Variants in ZNF143 observed in about 807,000 individuals in gnomAD.
The protein encoded by ZNF143 is zinc finger protein 143, also known as SPH-binding factor.
A neutral mutation model predicts 74.1 loss-of-function variants in ZNF143; 49 were observed. The observed-to-expected ratio is 0.66, with a 90% CI of 0.53 to 0.84. The LOEUF is 0.84. Among genes scored for constraint, ZNF143 ranks in the 40% least tolerant of loss-of-function variants. ZNF143 has a pLI of 0.00. For synonymous variants in ZNF143, 304 were observed against 282.8 expected, an observed-to-expected ratio of 1.07 and a Z score of -0.75; for missense variants, 637 against 793.4, an observed-to-expected ratio of 0.80 and a Z score of 2.37.
Position 9,494,686 on chromosome 11 carries a change from C to T in ZNF143, c.686C>T (p.Ser229Phe), listed in dbSNP as rs758963335. 1 of 1,613,706 alleles carries T rather than the reference C, an allele frequency of 6.2e-7. No individual in the cohort carries two copies. The highest frequency in any genetic ancestry group is 2.2e-5 in the East Asian group (1 of 44,876). ...QGHATRVTAK[S>F]QQSGEKAFRC... Reference sequence around the variant, plus strand: ...CATGCTACAAGAGTAACTGCTAAATCTCAACAGAGTGGAGAGAAGGCATTT... The same window carrying T: ...CATGCTACAAGAGTAACTGCTAAATTTCAACAGAGTGGAGAGAAGGCATTT... The change falls in exon 8 of 16, where the codon TCT (serine) becomes TTT (phenylalanine). Residue 229 changes from serine to phenylalanine, a missense_variant. Physicochemically the swap from Ser to Phe is radical, Grantham distance 155. Around this residue, in one of 2 missense-constraint regions of ZNF143, gnomAD observed 293 missense variants for 307.8 expected, o/e 0.95. Transcript: ENST00000396602.
chr11:9,476,270 A>G (rs899402335), intron 5 of ZNF143, among the ~76,000 whole-genome samples: 2 of 152,138 alleles, frequency 1.3e-5, no homozygotes, highest in African/African-American at 4.8e-5. Context: ...GTGAGGACAG[A>G]ATGCACAAAC....
intron 7 of ZNF143, among the ~76,000 whole-genome samples, chr11:9,486,357 T>TATATTATACATATA (rs1847481117): frequency 1.9e-5 from 1 of 52,064 alleles, no homozygotes; most frequent in African/African-American, 7.8e-5. Flanking sequence ...ATATATTATA[T>TATATTATACATATA]ATATATTATA....
rs1340966931 is a variant in ZNF143 at position 9,484,127 on chromosome 11, A to G, written c.645+4581A>G. Among the ~76,000 whole-genome samples, 3 of 151,546 alleles carry G rather than the reference A, an allele frequency of 2.0e-5. 1 individual carries two copies. Among genetic ancestry groups the G allele is most frequent in the African/African-American group, 7.3e-5 (3 of 40,870 alleles). ...TTCATTAGTGCTGGATCAGAAGTTC[A>G]TGACTTCACCATTCTCTAAAATGAT... is the stretch of plus-strand genomic sequence containing the variant. On this transcript the variant is annotated intron_variant, in intron 7 of 15. Transcript: ENST00000396602.
At chr11:9,525,426 CTGCTCAT>C in intron 15 of ZNF143, 40 bp downstream of exon 15, 1 of 1,612,694 alleles carries the variant, frequency 6.2e-7, no homozygotes, top group Non-Finnish European at 8.5e-7. Flanking sequence ...GACAGCAGTG[CTGCTCAT>C]AGCTTTCAAC....
chr11:9,508,567 G>T, intron 11 of ZNF143, 52 bp from the exon 12 acceptor site: 1 of 1,555,958 alleles, frequency 6.4e-7, no homozygotes, highest in Non-Finnish European at 8.7e-7. Context: ...AGTATGGAAT[G>T]ATTTTGCCTA....
In ZNF143 at chr11:9,472,724, A is replaced by G. The variant is rs1210877816; in HGVS notation, c.160A>G (p.Thr54Ala). 1.2e-6 allele frequency: 2 copies of G among 1,603,444 alleles called. No homozygotes were observed. Among genetic ancestry groups the G allele is most frequent in the South Asian group, 2.2e-5 (2 of 89,086 alleles). The part of the protein sequence containing the change: ...NMEGVSLQAV[T>A]LADGSTAYIQ... ...GGAAGGCGTAAGCTTGCAAGCAGTA[A>G]CACTTGCAGATGGTTCTACTGCTTA... Residue 54 changes from threonine (T) to alanine (A), a missense_variant, in exon 3 of 16, where the codon ACA becomes GCA. Thr to Ala is a moderately conservative substitution (Grantham distance 58). Coordinates refer to ENST00000396602, the MANE Select transcript of ZNF143 (RefSeq NM_003442.6).
At position 9,478,483 on chromosome 11, in the gene ZNF143, C is replaced by G; in HGVS notation, c.467C>G (p.Thr156Ser). 1.9e-6 allele frequency: 3 copies of G among 1,614,188 alleles called. No individual in the cohort carries two copies. The highest frequency in any genetic ancestry group is 2.5e-6 in the Non-Finnish European group (3 of 1,180,042). Reference protein sequence around the residue: ...HHAVQVPQSDTILAIQADGTV... With the variant: ...HHAVQVPQSDSILAIQADGTV... The stretch of plus-strand genomic sequence containing the variant: ...GCAGTGCAAGTCCCGCAGTCTGACA[C>G]CATCTTGGCAATTCAGGCTGATGGG... The change falls in exon 6 of 16, where the codon ACC becomes AGC. Residue 156 changes from threonine (T) to serine (S), a missense_variant. Physicochemically the swap from Thr to Ser is moderately conservative, Grantham distance 58 (BLOSUM62 1). Around this residue, in one of 2 missense-constraint regions of ZNF143, gnomAD observed 293 missense variants for 307.8 expected, o/e 0.95. Coordinates refer to ENST00000396602, the MANE Select transcript of ZNF143 (RefSeq NM_003442.6).
chr11:9,475,908 ATATGTGTGTGTGTGTGTG>A (rs1399952644), intron 5 of ZNF143, among the ~76,000 whole-genome samples: 2 of 117,632 alleles, frequency 1.7e-5, no homozygotes, highest in Non-Finnish European at 3.5e-5. Flanking sequence ...AAAAAAATAT[ATATGTGTGTGTGTGTGTG>A]TGTGTGTGTG....
chr11:9,475,938 G>A (rs1348656036), intron 5 of ZNF143, among the ~76,000 whole-genome samples: 4 of 151,482 alleles, frequency 2.6e-5, no homozygotes, highest in South Asian at 4.2e-4. Context: ...GTGTGTGTGT[G>A]TGTGTGTGTG....
chr11:9,479,425 C>T (rs1386733952), intron 6 of ZNF143, 47 bp from the exon 7 acceptor site: 12 of 1,525,764 alleles, frequency 7.9e-6, no homozygotes, highest in African/African-American at 1.4e-5. Context: ...CAGCCTAAAC[C>T]ATTATCAAAA....
At chr11:9,463,152 A>T (rs1855975234) in intron 1 of ZNF143, among the ~76,000 whole-genome samples, 2 of 152,244 alleles carry the variant, frequency 1.3e-5, no homozygotes. Flanking sequence ...CATTGTATGA[A>T]CATAGTACAT....
intron 3 of ZNF143, among the ~76,000 whole-genome samples, chr11:9,473,112 C>T (rs1856681649): frequency 6.6e-6 from 1 of 151,754 alleles, no homozygotes; most frequent in African/African-American, 2.4e-5. Flanking sequence ...CATTTGGGGC[C>T]GGGCATGGTG....
intron 1 of ZNF143, among the ~76,000 whole-genome samples, chr11:9,463,544 T>C (rs1237141021): frequency 1.3e-5 from 2 of 152,228 alleles, no homozygotes; most frequent in Non-Finnish European, 2.9e-5. Context: ...TGTTGAGCAT[T>C]TTTTCTGTGC....
chr11:9,484,562 G>A (rs7952556), intron 7 of ZNF143, among the ~76,000 whole-genome samples: 5,128 of 146,972 alleles, frequency 0.035, 437 homozygotes, highest in African/African-American at 0.12. Context: ...TAAAAGAAAG[G>A]TATTAATTAG....
intron 15 of ZNF143, among the ~76,000 whole-genome samples, chr11:9,526,084 G>A (rs1306108582): frequency 2.0e-5 from 3 of 152,138 alleles, no homozygotes; most frequent in Non-Finnish European, 2.9e-5. Flanking sequence ...ATTTGAGGCT[G>A]CAGTGAGCCA....
At chr11:9,485,749 A>G (rs769205318) in intron 7 of ZNF143, among the ~76,000 whole-genome samples, 4 of 151,586 alleles carry the variant, frequency 2.6e-5, no homozygotes, top group African/African-American at 4.9e-5. Context: ...AAGAGAATAC[A>G]TTTTTAAAAA....
rs907401079 is a variant in ZNF143, at chr11:9,525,353, A to G, written c.1800A>G (p.Val600=). The G allele has an allele frequency of 3.7e-6, 6 of 1,614,094 alleles. No homozygotes were observed. In the African/African-American group the frequency reaches 6.7e-5, roughly 18 times the overall value. ...CAGAAACCAGACCTCTGACCTTAGT[A>G]GCAACATCCAATGGCACCCAGATTG... ...VTTETRPLTL[V]ATSNGTQIAV... is the part of the protein sequence containing the mutation. Residue 600 remains valine, a synonymous_variant, in exon 15 of 16, where the codon GTA becomes GTG. Coordinates refer to ENST00000396602, the MANE Select transcript of ZNF143 (RefSeq NM_003442.6).
intron 14 of ZNF143, among the ~76,000 whole-genome samples, chr11:9,523,877 G>A (rs1208854070): frequency 6.6e-6 from 1 of 151,154 alleles, no homozygotes; most frequent in Non-Finnish European, 1.5e-5. Context: ...GAGAAACCCT[G>A]TTTCTACTAA....
intron 6 of ZNF143, among the ~76,000 whole-genome samples, chr11:9,479,107 T>G (rs1847138695): frequency 6.6e-6 from 1 of 152,084 alleles, no homozygotes; most frequent in Non-Finnish European, 1.5e-5. Context: ...TGAACATGTA[T>G]CTCTCATATA....
Sources: allele counts gnomAD v4.1 joint callset (sites outside exome capture counted in the v4.1 genomes callset), GRCh38; gene constraint gnomAD v4.1.1; regional missense constraint gnomAD v4.1.1; transcripts MANE v1.5; gene names NCBI Gene and HGNC (gene_info 2026-07-23, HGNC 2026-07-21).